Variants in CDKN2B-AS1 observed in about 807,000 individuals in gnomAD.
CDKN2B-AS1 encodes the protein CDKN2B and CDKN2A antisense cis and trans regulatory RNA 1.
intron 1 of CDKN2B-AS1, among the ~76,000 whole-genome samples, chr9:22,043,513 A>G (rs188816428): frequency 6.6e-6 from 1 of 152,070 alleles, no homozygotes; most frequent in Non-Finnish European, 1.5e-5. Flanking sequence ...GATGAAGACT[A>G]TGTGTCCTCA....
intron 4 of CDKN2B-AS1, among the ~76,000 whole-genome samples, chr9:22,081,891 A>G (rs974015938): frequency 3.9e-5 from 6 of 152,228 alleles, no homozygotes; most frequent in African/African-American, 4.8e-5. Context: ...GTGTTCTACA[A>G]ATGTATTTTC....
intron 1 of CDKN2B-AS1, among the ~76,000 whole-genome samples, chr9:22,026,669 G>A (rs1822252913): frequency 6.6e-6 from 1 of 152,186 alleles, no homozygotes; most frequent in Non-Finnish European, 1.5e-5. Flanking sequence ...GTATGTATGG[G>A]AGTCTAACCT....
intron 1 of CDKN2B-AS1, chr9:22,012,113 C>A: frequency 1.2e-6 from 1 of 844,308 alleles, no homozygotes. Context: ...GATCTGCCAT[C>A]CTCTTTTTCT....
chr9:22,098,458 C>T (rs988423998), intron 4 of CDKN2B-AS1, among the ~76,000 whole-genome samples: 2 of 149,964 alleles, frequency 1.3e-5, no homozygotes, highest in African/African-American at 4.9e-5. Context: ...TGAAACAACA[C>T]GATATGTATC....
intron 1 of CDKN2B-AS1, among the ~76,000 whole-genome samples, chr9:22,007,448 G>A (rs1267073231): frequency 6.6e-6 from 1 of 152,176 alleles, no homozygotes; most frequent in Non-Finnish European, 1.5e-5. Flanking sequence ...ATGATGTTTT[G>A]CAGGAGTAAT....
intron 1 of CDKN2B-AS1, among the ~76,000 whole-genome samples, chr9:22,022,340 G>A (rs987204214): frequency 1.3e-5 from 2 of 151,806 alleles, no homozygotes; most frequent in Admixed American, 1.3e-4. Flanking sequence ...GTGTTCCTGT[G>A]TTGGGTGTAT....
intron 1 of CDKN2B-AS1, among the ~76,000 whole-genome samples, chr9:22,045,168 G>A (rs562322996): frequency 1.3e-5 from 2 of 151,728 alleles, no homozygotes; most frequent in African/African-American, 4.8e-5. Context: ...AATAGGAGAA[G>A]GGGAAATATG....
In CDKN2B-AS1 at chr9:22,005,223, C is replaced by A. The variant is rs1821112990; in HGVS notation, n.29+10062C>A. ...ATCCTGTGTAGTCTGCCTGCGGAAC[C>A]CGCGGGAATCTCTCCTCAGTGTAGT... On this transcript the variant is annotated intron_variant and non_coding_transcript_variant, in intron 1 of 4. Transcript: ENST00000650946. The surrounding 1 kb of genome is among the most constrained non-coding windows in gnomAD (Gnocchi z 4.9). 4.3e-6 allele frequency: 1 copy of A among 233,668 alleles called. No homozygotes were observed. The highest frequency in any genetic ancestry group is 8.4e-6 in the Non-Finnish European group (1 of 118,438). The allele number at this position is 233,668 out of a possible 1,614,324, so 14.5% of individuals were successfully genotyped here.
At chr9:22,013,132 T>G (rs1821585448) in intron 1 of CDKN2B-AS1, among the ~76,000 whole-genome samples, 1 of 152,180 alleles carries the variant, frequency 6.6e-6, no homozygotes, top group Non-Finnish European at 1.5e-5. Flanking sequence ...TGTGTCCAAA[T>G]TTCCTCCTCT....
At position 22,123,738 on chromosome 9, in the gene CDKN2B-AS1, T is replaced by G. The variant is rs186945826; in HGVS notation, n.439-3365T>G. ...TAAAGTCTGTTATGTGGTAAAGGGA[T>G]TAGATTTATCTGTGTTGTTCCAGGG... On this transcript the variant is annotated intron_variant and non_coding_transcript_variant, in intron 4 of 4. Transcript: ENST00000650946. 1.2e-3 allele frequency among the ~76,000 whole-genome samples: 181 copies of G among 152,286 alleles called. 1 individual carries two copies. Among genetic ancestry groups the G allele is most frequent in the Non-Finnish European group, 3.1e-4 (21 of 68,014 alleles).
intron 4 of CDKN2B-AS1, chr9:22,112,255 G>A (rs1727755981): frequency 6.6e-6 from 1 of 152,180 alleles, no homozygotes; most frequent in Non-Finnish European, 1.5e-5. Context: ...CCACTGCGAG[G>A]GATCTCTCTC....
At chr9:22,042,832 C>T (rs1822953318) in intron 1 of CDKN2B-AS1, among the ~76,000 whole-genome samples, 1 of 152,106 alleles carries the variant, frequency 6.6e-6, no homozygotes. Context: ...TCTTGTCACA[C>T]AATCACACAA....
intron 2 of CDKN2B-AS1, among the ~76,000 whole-genome samples, chr9:22,047,782 T>C (rs951949228): frequency 1.3e-5 from 2 of 151,964 alleles, no homozygotes; most frequent in African/African-American, 4.8e-5. Flanking sequence ...GAGAAAACTT[T>C]TTTTTTCTTT....
At position 22,005,112 on chromosome 9, in the gene CDKN2B-AS1, A is replaced by ATATG. The variant is rs112857145; in HGVS notation, n.29+9952_29+9953insATGT. 8.9e-6 allele frequency: 2 copies of ATATG among 225,378 alleles called. No individual in the cohort carries two copies. Among genetic ancestry groups the ATATG allele is most frequent in the Non-Finnish European group, 1.8e-5 (2 of 114,176 alleles). 14.0% of individuals were successfully genotyped at this position (225,378 alleles called of 1,614,324 possible). ...CATAAGGGGATTTCCGCATCCTAGC[A>ATATG]TGTGTGTGTGTGTGTGTGTGTGTGT... On this transcript the variant is annotated intron_variant and non_coding_transcript_variant, in intron 1 of 4. Transcript: ENST00000650946. The surrounding 1 kb of genome is among the most constrained non-coding windows in gnomAD (Gnocchi z 4.9).
At chr9:22,097,553 C>T (rs958029821) in intron 4 of CDKN2B-AS1, among the ~76,000 whole-genome samples, 6 of 152,200 alleles carry the variant, frequency 3.9e-5, no homozygotes, top group Non-Finnish European at 5.9e-5. Context: ...CCCACATCAC[C>T]TCCTTATACC....
At chr9:22,015,440 ATTGT>A (rs1821703714) in intron 1 of CDKN2B-AS1, among the ~76,000 whole-genome samples, 1 of 152,066 alleles carries the variant, frequency 6.6e-6, no homozygotes, top group African/African-American at 2.4e-5. Flanking sequence ...CCTTTTCGAA[ATTGT>A]TTGGTCATTC....
chr9:22,125,891 G>C (rs1354548374), intron 4 of CDKN2B-AS1, among the ~76,000 whole-genome samples: 1 of 152,140 alleles, frequency 6.6e-6, no homozygotes, highest in African/African-American at 2.4e-5. Flanking sequence ...GATATTCCAA[G>C]ATCTGCCAGA....
At chr9:22,040,348 G>A (rs1166173926) in intron 1 of CDKN2B-AS1, among the ~76,000 whole-genome samples, 1 of 151,914 alleles carries the variant, frequency 6.6e-6, no homozygotes, top group Non-Finnish European at 1.5e-5. Flanking sequence ...AAGGTGTCAT[G>A]GCTATTTCAT....
chr9:22,026,057 A>C (rs1430468159), intron 1 of CDKN2B-AS1, among the ~76,000 whole-genome samples: 3 of 151,712 alleles, frequency 2.0e-5, no homozygotes, highest in Non-Finnish European at 4.4e-5. Context: ...GGGAGACTCT[A>C]CCCAGTGATG....
Sources: gnomAD v4.1 joint callset for allele counts (sites outside exome capture counted in the v4.1 genomes callset) on GRCh38, gnomAD v4.1.1 for gene constraint, Gnocchi (gnomAD v3.1) non-coding constraint, MANE v1.5 for transcripts, NCBI Gene and HGNC (gene_info 2026-07-23, HGNC 2026-07-21) for gene names.